The following RBM39 variants were observed in gnomAD, a reference collection of about 807,000 sequenced individuals.
The protein encoded by RBM39 is RNA-binding protein 39.
In RBM39, 12 loss-of-function variants were observed where a neutral mutation model predicts 79.6. The observed-to-expected ratio is 0.15, with a 90% CI of 0.10 to 0.24. The LOEUF is 0.24. Among genes scored for constraint, RBM39 ranks in the 10% least tolerant of loss-of-function variants. The pLI, the probability that RBM39 is intolerant of heterozygous loss-of-function variation, is 1.00. For missense variants in RBM39, 243 were observed against 653.4 expected (o/e 0.37, Z 6.85); for synonymous variants, 185 against 208.4 (o/e 0.89, Z 0.97).
Position 35,732,047 on chromosome 20 carries a change from T to C in RBM39, c.190A>G (p.Lys64Glu). 6.2e-7 allele frequency: 1 copy of C among 1,614,148 alleles called. No homozygotes were observed. Among genetic ancestry groups the C allele is most frequent in the Non-Finnish European group, 8.5e-7 (1 of 1,180,028 alleles). Residue 64 changes from lysine to glutamate, a missense_variant, in exon 4 of 17, where the codon AAA becomes GAA. By Grantham distance (56) the Lys-to-Glu change is moderately conservative. Transcript: ENST00000253363. ...ERKRSRDRER[K>E]KSKSRERKRS... The stretch of plus-strand genomic sequence containing the variant: ...TTTCTTTCACGGCTTTTGCTCTTTT[T>C]CCTTTCTCTGTCTCTACTTCGCTTC...
intron 4 of RBM39, among the ~76,000 whole-genome samples, chr20:35,730,138 C>CA (rs1284404233): frequency 2.0e-5 from 3 of 152,130 alleles, no homozygotes; most frequent in Non-Finnish European, 4.4e-5. Context: ...TTGTTTGTTG[C>CA]AAAAATATTC....
chr20:35,717,587 A>G (rs1214744720), intron 9 of RBM39, among the ~76,000 whole-genome samples: 1 of 152,186 alleles, frequency 6.6e-6, no homozygotes, highest in African/African-American at 2.4e-5. Flanking sequence ...TAACTGCACA[A>G]TTCTGTGAAT....
At chr20:35,736,966 AGACG>A (rs2039989498) in intron 3 of RBM39, among the ~76,000 whole-genome samples, 2 of 150,996 alleles carry the variant, frequency 1.3e-5, no homozygotes, top group African/African-American at 4.9e-5. Flanking sequence ...TTTTTTTTTA[AGACG>A]GAGTCTCAGT....
At chr20:35,740,309 A>G (rs1360800694) in intron 2 of RBM39, 2 of 306,758 alleles carry the variant, frequency 6.5e-6, no homozygotes, top group South Asian at 2.7e-5. Flanking sequence ...TCTTACATAG[A>G]TACATAAATT....
At chr20:35,737,968 A>G (rs2040139631) in intron 3 of RBM39, among the ~76,000 whole-genome samples, 1 of 151,474 alleles carries the variant, frequency 6.6e-6, no homozygotes, top group African/African-American at 2.4e-5. Context: ...ATTCTGGCTA[A>G]CACGGTGAAA....
At chr20:35,734,081 TCAAAG>T in intron 3 of RBM39, 3 of 415,194 alleles carry the variant, frequency 7.2e-6, no homozygotes, top group Non-Finnish European at 4.0e-6. Flanking sequence ...TTATTCCTTA[TCAAAG>T]CAAAGTTACA....
At chr20:35,708,058 AAT>A (rs1043950692) in intron 13 of RBM39, 1 of 303,368 alleles carries the variant, frequency 3.3e-6, no homozygotes, top group African/African-American at 2.3e-5. Flanking sequence ...AAGTATCAGA[AAT>A]ATTACACCGA....
intron 4 of RBM39, chr20:35,731,399 T>G (rs1390131264): frequency 6.5e-6 from 1 of 152,684 alleles, no homozygotes; most frequent in Non-Finnish European, 1.5e-5. Context: ...TAACAAACCT[T>G]AAATACAGAT....
intron 3 of RBM39, chr20:35,732,345 C>T (rs1022652588): frequency 1.7e-6 from 1 of 575,452 alleles, no homozygotes; most frequent in Non-Finnish European, 3.1e-6. Context: ...ATCACAAGGT[C>T]AGGAGTTCAA....
chr20:35,706,383 A>G (rs150041996), intron 14 of RBM39, among the ~76,000 whole-genome samples: 419 of 152,338 alleles, frequency 2.8e-3, no homozygotes, highest in African/African-American at 9.4e-3. Context: ...ACTTACAACG[A>G]AAGTTTATCA....
At chr20:35,722,141 C>G in intron 8 of RBM39, among the ~76,000 whole-genome samples, 1 of 152,124 alleles carries the variant, frequency 6.6e-6, no homozygotes, top group East Asian at 1.9e-4. Context: ...GGCACGATGG[C>G]TCACACCTGT....
At chr20:35,730,894 G>A (rs888369032) in intron 4 of RBM39, among the ~76,000 whole-genome samples, 3 of 152,012 alleles carry the variant, frequency 2.0e-5, no homozygotes, top group Non-Finnish European at 4.4e-5. Context: ...CCAGCATCAC[G>A]GAGTTTAATT....
chr20:35,738,810 AAG>A (rs2040244956), intron 3 of RBM39, among the ~76,000 whole-genome samples, 156 bp downstream of exon 3: 1 of 152,234 alleles, frequency 6.6e-6, no homozygotes, highest in Non-Finnish European at 1.5e-5. Context: ...CAGTTCCTCC[AAG>A]AGTTTGTCTC....
At chr20:35,705,817 T>C (rs563877334) in intron 14 of RBM39, among the ~76,000 whole-genome samples, 54 of 151,130 alleles carry the variant, frequency 3.6e-4, no homozygotes, top group African/African-American at 1.2e-3. Context: ...AAGATACAGA[T>C]AGGGCTCTGG....
intron 9 of RBM39, among the ~76,000 whole-genome samples, chr20:35,719,473 G>C (rs977254105): frequency 3.2e-4 from 48 of 152,172 alleles, no homozygotes; most frequent in African/African-American, 1.1e-3. Flanking sequence ...ACACCGAGGC[G>C]GGTAGATCAC....
intron 13 of RBM39, among the ~76,000 whole-genome samples, chr20:35,708,457 A>T (rs1410677256): frequency 1.3e-5 from 2 of 152,158 alleles, no homozygotes; most frequent in African/African-American, 4.8e-5. Flanking sequence ...ATCAATGCAG[A>T]ACACAGTAAA....
intron 7 of RBM39, 127 bp downstream of exon 7, chr20:35,724,911 A>G (rs564374047): frequency 1.6e-5 from 16 of 996,988 alleles, no homozygotes; most frequent in South Asian, 1.1e-4. Flanking sequence ...CTCCAATACT[A>G]CAAGAGGCAA....
At chr20:35,707,051 A>AT in intron 14 of RBM39, 69 bp downstream of exon 14, 9 of 653,376 alleles carry the variant, frequency 1.4e-5, no homozygotes, top group African/African-American at 2.0e-5. Context: ...AAAAAAAAAA[A>AT]GAGAAATATA....
chr20:35,724,762 T>C, intron 7 of RBM39, 40 bp from the exon 8 acceptor site: 1 of 1,597,174 alleles, frequency 6.3e-7, no homozygotes, highest in Non-Finnish European at 8.6e-7. Context: ...ACATCCATTG[T>C]AACACATGTA....
Sources: gnomAD v4.1 joint callset for allele counts (sites outside exome capture counted in the v4.1 genomes callset) on GRCh38, gnomAD v4.1.1 for gene constraint, MANE v1.5 for transcripts, NCBI Gene and HGNC (gene_info 2026-07-23, HGNC 2026-07-21) for gene names.